Variants in GPC5 observed in about 807,000 individuals in gnomAD.
GPC5 encodes the protein glypican-5.
GPC5 carries 47 observed loss-of-function variants against 53.9 expected under a neutral mutation model. The ratio of observed to expected loss-of-function variants is 0.87; its 90% CI spans 0.69 to 1.11. The LOEUF (loss-of-function observed/expected upper bound fraction) is 1.11, where lower values mean the gene tolerates loss of function less well. GPC5 is among the 50% of genes most tolerant of loss of function. The pLI, the probability that GPC5 is intolerant of heterozygous loss-of-function variation, is 0.00. For missense variants in GPC5, 748 were observed against 713.1 expected (o/e 1.05, Z -0.56); for synonymous variants, 286 against 263.3 (o/e 1.09, Z -0.84).
intron 7 of GPC5, among the ~76,000 whole-genome samples, chr13:92,276,502 A>C (rs1226639331): frequency 6.6e-6 from 1 of 152,078 alleles, no homozygotes; most frequent in Non-Finnish European, 1.5e-5. Flanking sequence ...CACAATATTT[A>C]CTCATAGTTG....
At chr13:91,887,635 CT>C (rs2039339631) in intron 5 of GPC5, among the ~76,000 whole-genome samples, 2 of 152,162 alleles carry the variant, frequency 1.3e-5, no homozygotes, top group Non-Finnish European at 2.9e-5. Context: ...CCTAAATCAT[CT>C]CTCTCAAGTT....
chr13:92,152,654 G>GCCGAGC (rs2041915295), intron 7 of GPC5, among the ~76,000 whole-genome samples: 3 of 151,800 alleles, frequency 2.0e-5, no homozygotes, highest in Admixed American at 6.6e-5. Context: ...CAGGAGAATG[G>GCCGAGC]TGTGAACCCG....
Position 91,539,368 on chromosome 13 carries a change from C to T in GPC5, c.325+90446C>T, listed in dbSNP as rs115958199. On this transcript the variant is annotated intron_variant, in intron 2 of 7. Transcript: ENST00000377067. Reference sequence around the variant, plus strand: ...ACTGAAGGTCTGACTTGATCTAGTTCGTCATATGTTATCAGGAATCTTTTC... The same window carrying T: ...ACTGAAGGTCTGACTTGATCTAGTTTGTCATATGTTATCAGGAATCTTTTC... Among the ~76,000 whole-genome samples, 742 of 152,032 alleles carry T rather than the reference C, an allele frequency of 4.9e-3. 8 individuals are homozygous for T. The highest frequency in any genetic ancestry group is 0.016 in the African/African-American group (672 of 41,470).
chr13:92,281,917 G>A lies in GPC5; in HGVS notation c.1561+136928G>A, dbSNP rs868286856. 2.6e-5 allele frequency among the ~76,000 whole-genome samples: 4 copies of A among 152,156 alleles called. No individual in the cohort carries two copies. The South Asian group carries it at 8.3e-4, about 32-fold the overall frequency. The stretch of plus-strand genomic sequence containing the variant: ...ATGGAGAATGACTTTGACAGGTTGA[G>A]AGAAGAAGGCTTCAGACGATCAAAC... On this transcript the variant is annotated intron_variant, in intron 7 of 7. Transcript: ENST00000377067.
At chr13:92,358,815 G>A (rs1267696264) in intron 7 of GPC5, among the ~76,000 whole-genome samples, 1 of 151,802 alleles carries the variant, frequency 6.6e-6, no homozygotes, top group African/African-American at 2.4e-5. Flanking sequence ...GGGGCCCTGG[G>A]CCCAGTCCAT....
intron 6 of GPC5, among the ~76,000 whole-genome samples, chr13:92,138,671 G>A (rs532790226): frequency 6.6e-6 from 1 of 152,166 alleles, no homozygotes; most frequent in Non-Finnish European, 1.5e-5. Flanking sequence ...TTGTTGGGAA[G>A]GGCTCCTCTT....
chr13:92,760,619 A>AT (rs1249701782), intron 7 of GPC5, among the ~76,000 whole-genome samples: 5 of 146,596 alleles, frequency 3.4e-5, no homozygotes, highest in African/African-American at 5.0e-5. Context: ...TGTTCTATTG[A>AT]TTTTTTTCCT....
intron 7 of GPC5, among the ~76,000 whole-genome samples, chr13:92,367,995 CA>C (rs887557306): frequency 6.6e-6 from 1 of 151,970 alleles, no homozygotes; most frequent in African/African-American, 2.4e-5. Flanking sequence ...GTGGCGGGGG[CA>C]GGCGGTGAGG....
At chr13:92,006,908 C>T (rs918694942) in intron 6 of GPC5, among the ~76,000 whole-genome samples, 1 of 152,190 alleles carries the variant, frequency 6.6e-6, no homozygotes, top group Non-Finnish European at 1.5e-5. Flanking sequence ...TTATAAAGTA[C>T]ATTTTTGTAA....
chr13:92,536,381 G>A (rs1212571313), intron 7 of GPC5, among the ~76,000 whole-genome samples: 3 of 151,996 alleles, frequency 2.0e-5, no homozygotes, highest in African/African-American at 7.2e-5. Flanking sequence ...TAATAAAAGG[G>A]AAATAGATTT....
intron 7 of GPC5, among the ~76,000 whole-genome samples, chr13:92,847,706 T>C (rs1330494688): frequency 6.6e-6 from 1 of 152,038 alleles, no homozygotes; most frequent in South Asian, 2.1e-4. Flanking sequence ...ACCCTGTCTT[T>C]GTTGAGTGTG....
chr13:92,621,583 G>A (rs1030869664), intron 7 of GPC5, among the ~76,000 whole-genome samples: 2 of 152,070 alleles, frequency 1.3e-5, no homozygotes, highest in African/African-American at 4.8e-5. Flanking sequence ...CACTTTGGGA[G>A]GACAAAGTGG....
chr13:91,830,496 G>A (rs111656737), intron 5 of GPC5, among the ~76,000 whole-genome samples: 4,699 of 151,920 alleles, frequency 0.031, 252 homozygotes, highest in African/African-American at 0.11. Flanking sequence ...AATCACAAGG[G>A]TATTGATTGG....
chr13:92,207,523 A>G (rs2042346154), intron 7 of GPC5, among the ~76,000 whole-genome samples: 1 of 152,180 alleles, frequency 6.6e-6, no homozygotes, highest in Admixed American at 6.5e-5. Flanking sequence ...TAGTTAGACC[A>G]GTATTCTCCC....
At chr13:92,451,039 C>G (rs747872017) in intron 7 of GPC5, among the ~76,000 whole-genome samples, 11 of 152,168 alleles carry the variant, frequency 7.2e-5, no homozygotes, top group Non-Finnish European at 1.0e-4. Context: ...CTATCATTTT[C>G]ACTTCAAGAT....
At chr13:92,534,976 A>C (rs1881677357) in intron 7 of GPC5, among the ~76,000 whole-genome samples, 1 of 152,180 alleles carries the variant, frequency 6.6e-6, no homozygotes, top group Non-Finnish European at 1.5e-5. Context: ...TCTTAGACTG[A>C]ATCTTTCTGT....
chr13:91,559,158 T>C (rs2031121335), intron 2 of GPC5, among the ~76,000 whole-genome samples: 1 of 152,114 alleles, frequency 6.6e-6, no homozygotes, highest in Non-Finnish European at 1.5e-5. Flanking sequence ...TCTTTGTGTA[T>C]GGAAACTGGG....
At chr13:91,457,135 T>C (rs1412973875) in intron 2 of GPC5, among the ~76,000 whole-genome samples, 1 of 152,246 alleles carries the variant, frequency 6.6e-6, no homozygotes, top group South Asian at 2.1e-4. Context: ...TTACATTACT[T>C]GCCAGCTTTT....
At chr13:92,131,900 T>C (rs940219990) in intron 6 of GPC5, among the ~76,000 whole-genome samples, 1 of 147,276 alleles carries the variant, frequency 6.8e-6, no homozygotes, top group African/African-American at 2.4e-5. Context: ...TGCCTATCTA[T>C]GACCCACCAT....
Sources: allele counts gnomAD v4.1 joint callset (sites outside exome capture counted in the v4.1 genomes callset), GRCh38; gene constraint gnomAD v4.1.1; transcripts MANE v1.5; gene names NCBI Gene and HGNC (gene_info 2026-07-23, HGNC 2026-07-21).